The following GRM8 variants were observed in gnomAD, a reference collection of about 807,000 sequenced individuals.
The protein encoded by GRM8 is glutamate metabotropic receptor 8.
A neutral mutation model predicts 87.2 loss-of-function variants in GRM8; 47 were observed. The ratio of observed to expected loss-of-function variants is 0.54; its 90% CI spans 0.43 to 0.69. The LOEUF is 0.69. Ranked by LOEUF, GRM8 falls within the 30% of genes least tolerant of loss-of-function variation. The pLI, the probability that GRM8 is intolerant of heterozygous loss-of-function variation, is 0.00. For missense variants in GRM8, 1,019 were observed against 1,139.2 expected, an observed-to-expected ratio of 0.89 and a Z score of 1.52; for synonymous variants, 396 against 404.5, an observed-to-expected ratio of 0.98 and a Z score of 0.25.
At chr7:127,114,422 C>T (rs1486753718) in intron 2 of GRM8, among the ~76,000 whole-genome samples, 1 of 152,140 alleles carries the variant, frequency 6.6e-6, no homozygotes, top group African/African-American at 2.4e-5. Flanking sequence ...TACATACACA[C>T]CTGCACAAAA....
chr7:126,482,253 A>G (rs1457878890), intron 9 of GRM8, among the ~76,000 whole-genome samples: 2 of 152,040 alleles, frequency 1.3e-5, no homozygotes, highest in Non-Finnish European at 1.5e-5. Context: ...AGTTCCTCAT[A>G]AAATTAAAAA....
At chr7:126,599,747 G>A (rs1049481095) in intron 8 of GRM8, among the ~76,000 whole-genome samples, 2 of 152,108 alleles carry the variant, frequency 1.3e-5, no homozygotes, top group Non-Finnish European at 2.9e-5. Context: ...TAATGAATGT[G>A]TGTTTAAAGT....
chr7:126,805,476 A>G (rs973688831), intron 6 of GRM8, among the ~76,000 whole-genome samples: 3 of 152,326 alleles, frequency 2.0e-5, no homozygotes, highest in African/African-American at 7.2e-5. Context: ...TCTGCTTTGA[A>G]TAGTCTTTGT....
At chr7:126,658,920 G>A (rs555066393) in intron 7 of GRM8, among the ~76,000 whole-genome samples, 1 of 152,044 alleles carries the variant, frequency 6.6e-6, no homozygotes, top group Non-Finnish European at 1.5e-5. Flanking sequence ...GCCGTAAAGA[G>A]TCACAGAGGC....
chr7:127,015,889 T>C (rs1255309184), intron 3 of GRM8, among the ~76,000 whole-genome samples: 1 of 152,146 alleles, frequency 6.6e-6, no homozygotes, highest in Non-Finnish European at 1.5e-5. Context: ...TCAATTCAAA[T>C]GATTTTAGTT....
At chr7:126,882,769 C>T (rs1800137834) in intron 6 of GRM8, among the ~76,000 whole-genome samples, 1 of 150,126 alleles carries the variant, frequency 6.7e-6, no homozygotes, top group Non-Finnish European at 1.5e-5. Context: ...TTGTTGTGGC[C>T]ACATTTGGAG....
intron 2 of GRM8, among the ~76,000 whole-genome samples, chr7:127,108,670 T>C (rs1826046921): frequency 1.3e-5 from 2 of 152,164 alleles, no homozygotes; most frequent in Admixed American, 1.3e-4. Flanking sequence ...ACTAATTATC[T>C]CAAATTACTA....
At chr7:126,584,274 G>A (rs1040614673) in intron 8 of GRM8, among the ~76,000 whole-genome samples, 4 of 150,650 alleles carry the variant, frequency 2.7e-5, no homozygotes, top group African/African-American at 9.7e-5. Flanking sequence ...AACCCAGGCT[G>A]GAGTGCAGTG....
chr7:126,931,111 G>T (rs532305045), intron 3 of GRM8, among the ~76,000 whole-genome samples: 2 of 152,168 alleles, frequency 1.3e-5, no homozygotes, highest in African/African-American at 2.4e-5. Flanking sequence ...GGAAAAATGC[G>T]TTAGTTAAAA....
intron 3 of GRM8, among the ~76,000 whole-genome samples, chr7:127,066,572 G>A (rs1821137553): frequency 6.6e-6 from 1 of 151,956 alleles, no homozygotes; most frequent in South Asian, 2.1e-4. Context: ...TAGTGATGTT[G>A]TGATACATAG....
At chr7:126,742,249 A>C (rs1290626111) in intron 7 of GRM8, among the ~76,000 whole-genome samples, 1 of 152,098 alleles carries the variant, frequency 6.6e-6, no homozygotes, top group African/African-American at 2.4e-5. Flanking sequence ...ATATTGTAAC[A>C]AAATTGGGCC....
At chr7:126,442,447 CA>C (rs1303091304) in intron 10 of GRM8, among the ~76,000 whole-genome samples, 7 of 151,902 alleles carry the variant, frequency 4.6e-5, no homozygotes, top group African/African-American at 1.7e-4. Flanking sequence ...ATAATCTTCA[CA>C]GACAAGGTGG....
At chr7:126,509,808 C>A (rs1450900835) in intron 9 of GRM8, among the ~76,000 whole-genome samples, 1 of 151,856 alleles carries the variant, frequency 6.6e-6, no homozygotes, top group African/African-American at 2.4e-5. Flanking sequence ...AGGAAAAGTC[C>A]TAAATGACCT....
intron 7 of GRM8, among the ~76,000 whole-genome samples, chr7:126,634,630 C>T (rs905155539): frequency 1.3e-5 from 2 of 151,972 alleles, no homozygotes; most frequent in Non-Finnish European, 2.9e-5. Flanking sequence ...CACCTAGAAA[C>T]ACACCTGCCT....
chr7:126,552,819 T>C (rs990862944), intron 8 of GRM8, among the ~76,000 whole-genome samples: 3 of 152,156 alleles, frequency 2.0e-5, no homozygotes, highest in Non-Finnish European at 4.4e-5. Flanking sequence ...GAAAGCCATA[T>C]TGACAAGGCA....
chr7:126,571,741 G>A (rs1035792090), intron 8 of GRM8, among the ~76,000 whole-genome samples: 1 of 135,076 alleles, frequency 7.4e-6, no homozygotes, highest in Non-Finnish European at 1.6e-5. Flanking sequence ...AAATATACAG[G>A]ATTTTTTTTT....
chr7:127,081,268 T>G (rs1822839887), intron 3 of GRM8, among the ~76,000 whole-genome samples: 1 of 152,154 alleles, frequency 6.6e-6, no homozygotes. Flanking sequence ...AGCTTGCCAT[T>G]GCAAACACAT....
intron 9 of GRM8, among the ~76,000 whole-genome samples, chr7:126,500,970 A>G (rs1809556095): frequency 6.6e-6 from 1 of 151,838 alleles, no homozygotes. Flanking sequence ...ATTTTTTCTG[A>G]CCCTTTATAA....
intron 8 of GRM8, among the ~76,000 whole-genome samples, chr7:126,572,642 T>A (rs1236702856): frequency 6.6e-6 from 1 of 152,194 alleles, no homozygotes; most frequent in Non-Finnish European, 1.5e-5. Context: ...CTATAAGACA[T>A]TTTCTGAGGT....
Sources: gnomAD v4.1 joint callset for allele counts (sites outside exome capture counted in the v4.1 genomes callset) on GRCh38, gnomAD v4.1.1 for gene constraint, MANE v1.5 for transcripts, NCBI Gene and HGNC (gene_info 2026-07-23, HGNC 2026-07-21) for gene names.